Variants in PPM1H observed in about 807,000 individuals in gnomAD.
PPM1H encodes the protein protein phosphatase, Mg2+/Mn2+ dependent 1H, also known as protein phosphatase 1H.
In PPM1H, 27 loss-of-function variants were observed where a neutral mutation model predicts 54.9. The observed-to-expected ratio is 0.49, with a 90% CI of 0.36 to 0.68. The LOEUF (loss-of-function observed/expected upper bound fraction) is 0.68. PPM1H is among the 30% of genes least tolerant of loss of function. The probability of loss-of-function intolerance (pLI) is 0.00; values close to 1 mark genes in which losing one functional copy is unlikely to be tolerated. For missense variants in PPM1H, 596 were observed against 667.8 expected (o/e 0.89, Z 1.19); for synonymous variants, 305 against 270.8 (o/e 1.13, Z -1.24).
At chr12:62,872,408 C>T (rs1870018931) in intron 1 of PPM1H, among the ~76,000 whole-genome samples, 1 of 152,128 alleles carries the variant, frequency 6.6e-6, no homozygotes, top group South Asian at 2.1e-4. Context: ...TTTCAATTCT[C>T]CTAAAATCAC....
chr12:62,902,295 A>T (rs911610612), intron 1 of PPM1H, among the ~76,000 whole-genome samples: 1 of 152,066 alleles, frequency 6.6e-6, no homozygotes, highest in Non-Finnish European at 1.5e-5. Flanking sequence ...CGGAGGTTGC[A>T]GTGAGCCGAG....
chr12:62,726,650 A>G (rs1457331152), intron 5 of PPM1H, among the ~76,000 whole-genome samples: 1 of 152,194 alleles, frequency 6.6e-6, no homozygotes, highest in Non-Finnish European at 1.5e-5. Flanking sequence ...CCATCAGGCC[A>G]GCGCAGAGAT....
At chr12:62,749,539 G>C (rs2076429818) in intron 4 of PPM1H, among the ~76,000 whole-genome samples, 1 of 152,170 alleles carries the variant, frequency 6.6e-6, no homozygotes, top group Non-Finnish European at 1.5e-5. Flanking sequence ...GGACAAGCCA[G>C]GGTTACCTTA....
At chr12:62,837,824 T>C (rs1868549180) in intron 1 of PPM1H, among the ~76,000 whole-genome samples, 1 of 152,198 alleles carries the variant, frequency 6.6e-6, no homozygotes, top group African/African-American at 2.4e-5. Flanking sequence ...GCCATGCGAG[T>C]TAGAGGAGCA....
intron 2 of PPM1H, among the ~76,000 whole-genome samples, chr12:62,822,648 G>C (rs138123052): frequency 0.035 from 5,278 of 152,170 alleles, 246 homozygotes; most frequent in African/African-American, 0.11. Flanking sequence ...TGACTACTGG[G>C]TACATAATGA....
chr12:62,801,296 A>G (rs754905323), intron 3 of PPM1H, among the ~76,000 whole-genome samples: 7 of 151,776 alleles, frequency 4.6e-5, no homozygotes, highest in Non-Finnish European at 7.4e-5. Flanking sequence ...GACCTCATGC[A>G]CTGTCCCCCT....
rs111534664 is a variant in PPM1H at position 62,697,783 on chromosome 12, C to A, written c.1074-3784G>T. Among the ~76,000 whole-genome samples the A allele has an allele frequency of 2.2e-3, 340 of 152,138 alleles. 3 individuals carry two copies. The highest frequency in any genetic ancestry group is 7.6e-3 in the African/African-American group (315 of 41,502). On this transcript the variant is annotated intron_variant, in intron 6 of 9. Transcript: ENST00000228705. Reference sequence around the variant, plus strand: ...TCCTAATTAAATTTTTAAGAACTAGCGCCCCAAACAAATCACTCGCTAGTT... The same window carrying A: ...TCCTAATTAAATTTTTAAGAACTAGAGCCCCAAACAAATCACTCGCTAGTT...
chr12:62,905,432 TAGTA>T (rs1344340162), intron 1 of PPM1H, among the ~76,000 whole-genome samples: 1 of 152,030 alleles, frequency 6.6e-6, no homozygotes, highest in Non-Finnish European at 1.5e-5. Flanking sequence ...GCATCAAAAA[TAGTA>T]AGGCCATCTA....
chr12:62,752,467 A>T (rs1418330081), intron 4 of PPM1H, among the ~76,000 whole-genome samples: 1 of 152,166 alleles, frequency 6.6e-6, no homozygotes, highest in Non-Finnish European at 1.5e-5. Flanking sequence ...TGTCATTTCC[A>T]TTCATGTGTT....
intron 2 of PPM1H, among the ~76,000 whole-genome samples, chr12:62,812,843 G>T (rs904974241): frequency 1.3e-5 from 2 of 150,626 alleles, no homozygotes; most frequent in South Asian, 4.3e-4. Context: ...ATACAAGATT[G>T]TTCCAAACAG....
chr12:62,903,020 A>G (rs1185243776), intron 1 of PPM1H, among the ~76,000 whole-genome samples: 1 of 152,146 alleles, frequency 6.6e-6, no homozygotes, highest in Non-Finnish European at 1.5e-5. Flanking sequence ...TAGTACTCAA[A>G]TTGCTGGTTT....
chr12:62,713,926 T>C (rs2076221572), intron 6 of PPM1H, among the ~76,000 whole-genome samples: 1 of 152,070 alleles, frequency 6.6e-6, no homozygotes, highest in Non-Finnish European at 1.5e-5. Flanking sequence ...CATGGTCATG[T>C]GACCGCCTTC....
chr12:62,820,328 G>A (rs1031674422), intron 2 of PPM1H, among the ~76,000 whole-genome samples: 4 of 152,238 alleles, frequency 2.6e-5, no homozygotes, highest in East Asian at 1.9e-4. Flanking sequence ...AGGGCAGGGC[G>A]TAGATGAACA....
chr12:62,871,327 C>G (rs1869970455), intron 1 of PPM1H, among the ~76,000 whole-genome samples: 1 of 151,930 alleles, frequency 6.6e-6, no homozygotes. Flanking sequence ...ATGAAATGTT[C>G]AGAATAGGCA....
At chr12:62,672,402 C>T (rs1489010059) in intron 8 of PPM1H, among the ~76,000 whole-genome samples, 1 of 152,210 alleles carries the variant, frequency 6.6e-6, no homozygotes, top group Non-Finnish European at 1.5e-5. Flanking sequence ...TCTTTGTTAT[C>T]AGCCTTTCAG....
chr12:62,926,749 G>A (rs1291367446), intron 1 of PPM1H, among the ~76,000 whole-genome samples: 3 of 152,154 alleles, frequency 2.0e-5, no homozygotes, highest in Non-Finnish European at 2.9e-5. Context: ...GAGGTTGGGA[G>A]CTTGAGACCA....
intron 1 of PPM1H, among the ~76,000 whole-genome samples, chr12:62,894,312 G>A (rs1034952508): frequency 6.6e-6 from 1 of 152,212 alleles, no homozygotes; most frequent in African/African-American, 2.4e-5. Flanking sequence ...AGGGGTGACA[G>A]CAAAGGAAGA....
chr12:62,789,883 A>C (rs1408374001), intron 3 of PPM1H, among the ~76,000 whole-genome samples: 2 of 152,256 alleles, frequency 1.3e-5, no homozygotes, highest in Non-Finnish European at 2.9e-5. Flanking sequence ...ATAGAAGCAA[A>C]GGTTCTGTTA....
rs145843538 is a variant in PPM1H at position 62,755,520 on chromosome 12, C to T, written c.870-17934G>A. The T allele has an allele frequency of 1.9e-4, 129 of 663,064 alleles. 1 individual carries two copies. Among genetic ancestry groups the T allele is most frequent in the East Asian group, 1.8e-3 (67 of 37,224 alleles). The allele number at this position is 663,064 out of a possible 1,614,324, so 41.1% of individuals were successfully genotyped here. ...GTGCTGAGTATATCATGGAATCCAC[C>T]GGTGTCTTCACCACCATGGAGAAGG... On this transcript the variant is annotated intron_variant, in intron 4 of 9. Transcript: ENST00000228705.
Sources: gnomAD v4.1 joint callset for allele counts (sites outside exome capture counted in the v4.1 genomes callset) on GRCh38, gnomAD v4.1.1 for gene constraint, MANE v1.5 for transcripts, NCBI Gene and HGNC (gene_info 2026-07-23, HGNC 2026-07-21) for gene names.